ZNRF1: variants seen among roughly 807,000 people sequenced by gnomAD.
The protein encoded by ZNRF1 is E3 ubiquitin-protein ligase ZNRF1.
A neutral mutation model predicts 18.4 loss-of-function variants in ZNRF1; 3 were observed. That is an observed-to-expected ratio of 0.16 (90% confidence interval 0.07 to 0.42). The LOEUF (loss-of-function observed/expected upper bound fraction) is 0.42, where lower values mean the gene tolerates loss of function less well. Among genes scored for constraint, ZNRF1 ranks in the 10% least tolerant of loss-of-function variants. The pLI is 0.99. For synonymous variants in ZNRF1, 157 were observed against 144.2 expected (o/e 1.09, Z -0.64); for missense variants, 310 against 329.8 (o/e 0.94, Z 0.47).
intron 1 of ZNRF1, among the ~76,000 whole-genome samples, chr16:75,043,790 C>CTTTTTTTTTT (rs59324869): frequency 0.032 from 2,422 of 75,030 alleles, 336 homozygotes; most frequent in African/African-American, 0.043. Context: ...TTGCTTTGTA[C>CTTTTTTTTTT]TTTTTTTTTT....
At chr16:75,000,195 G>T (rs971402801) in intron 1 of ZNRF1, 100 bp downstream of exon 1, 15 of 1,472,682 alleles carry the variant, frequency 1.0e-5, no homozygotes, top group South Asian at 8.5e-5. Context: ...GCACGACCGG[G>T]ATCTGTCTGC....
intron 1 of ZNRF1, among the ~76,000 whole-genome samples, chr16:75,064,652 G>C (rs1296267502): frequency 6.6e-6 from 1 of 152,092 alleles, no homozygotes; most frequent in African/African-American, 2.4e-5. Context: ...CTGGCACGTA[G>C]GAGTGGCTCT....
intron 1 of ZNRF1, among the ~76,000 whole-genome samples, chr16:75,064,557 G>A (rs2035779805): frequency 6.8e-6 from 1 of 146,806 alleles, no homozygotes; most frequent in African/African-American, 2.5e-5. Flanking sequence ...CTCAGTCTCC[G>A]AGGGAAAAAA....
chr16:75,042,350 A>G (rs2035459287), intron 1 of ZNRF1, among the ~76,000 whole-genome samples: 2 of 151,922 alleles, frequency 1.3e-5, no homozygotes, highest in South Asian at 4.1e-4. Flanking sequence ...ATTTTCATCT[A>G]GAAGTTTTAT....
chr16:75,038,663 G>A (rs1488787384), intron 1 of ZNRF1, among the ~76,000 whole-genome samples: 1 of 152,196 alleles, frequency 6.6e-6, no homozygotes, highest in African/African-American at 2.4e-5. Flanking sequence ...CCCACTGTAA[G>A]CCAGTTAAAT....
intron 1 of ZNRF1, among the ~76,000 whole-genome samples, chr16:75,014,575 G>A (rs1482748123): frequency 6.6e-6 from 1 of 152,048 alleles, no homozygotes; most frequent in East Asian, 1.9e-4. Flanking sequence ...GTTATTTTTA[G>A]TTTTTGAAAA....
chr16:75,093,212 C>T lies in ZNRF1; in HGVS notation c.425-360C>T, dbSNP rs369351810. ...CTAGCCTGGCCACCATAGTGAAACC[C>T]CCTCTCTACTAAAAATACAAAAATT... On this transcript the variant is annotated intron_variant, in intron 1 of 4. Coordinates refer to ENST00000335325, the MANE Select transcript of ZNRF1 (RefSeq NM_032268.5). Among the ~76,000 whole-genome samples, 20 of 152,192 alleles carry T rather than the reference C, an allele frequency of 1.3e-4. 2 individuals are homozygous for T. Among genetic ancestry groups the T allele is most frequent in the South Asian group, 1.0e-3 (5 of 4,828 alleles).
chr16:75,020,676 G>T (rs2035133578), intron 1 of ZNRF1, among the ~76,000 whole-genome samples: 1 of 151,880 alleles, frequency 6.6e-6, no homozygotes, highest in South Asian at 2.1e-4. Flanking sequence ...CAAGTAGCTG[G>T]GACTACAGGC....
At chr16:75,009,429 G>T (rs1341233041) in intron 1 of ZNRF1, among the ~76,000 whole-genome samples, 1 of 152,134 alleles carries the variant, frequency 6.6e-6, no homozygotes, top group East Asian at 1.9e-4. Context: ...GTGTCCTCAA[G>T]GTTCATCTGC....
chr16:75,021,336 C>G (rs2035144893), intron 1 of ZNRF1, among the ~76,000 whole-genome samples: 1 of 152,160 alleles, frequency 6.6e-6, no homozygotes. Flanking sequence ...AGGCGCCTGG[C>G]CTTCCCCTTT....
chr16:75,094,687 C>T (rs2036178022), intron 2 of ZNRF1, among the ~76,000 whole-genome samples: 1 of 152,168 alleles, frequency 6.6e-6, no homozygotes, highest in Non-Finnish European at 1.5e-5. Context: ...TCATAGGTTT[C>T]TTTTTGCAGT....
At chr16:75,073,618 G>A (rs767760758) in intron 1 of ZNRF1, among the ~76,000 whole-genome samples, 8 of 152,060 alleles carry the variant, frequency 5.3e-5, no homozygotes, top group Non-Finnish European at 1.2e-4. Context: ...CTGGTGCTAC[G>A]GATTCTTTTG....
intron 1 of ZNRF1, among the ~76,000 whole-genome samples, chr16:75,014,950 A>G (rs2145328375): frequency 6.6e-6 from 1 of 152,198 alleles, no homozygotes; most frequent in Admixed American, 6.5e-5. Flanking sequence ...TTCTTCTGTG[A>G]AATACTTGTT....
Position 74,999,409 on chromosome 16 carries a change from C to G in ZNRF1, c.-263C>G, listed in dbSNP as rs1290265256. 4 of 323,228 alleles carry G rather than the reference C, an allele frequency of 1.2e-5. No individual in the cohort carries two copies. The highest frequency in any genetic ancestry group is 2.2e-5 in the Non-Finnish European group (4 of 178,476). 20.0% of individuals were successfully genotyped at this position (323,228 alleles called of 1,614,324 possible). A position where few individuals can be genotyped will look rare whatever the true frequency, so the allele number is the denominator to read the frequency against. On this transcript the variant is annotated 5_prime_UTR_variant, in exon 1 of 5. Coordinates refer to ENST00000335325, the MANE Select transcript of ZNRF1 (RefSeq NM_032268.5). Reference sequence around the variant, plus strand: ...TGTGGCGCGCGGAGCCCGCGCCGGACTGCGCCTCTTTGGACCTTGAGGGGA... The same window carrying G: ...TGTGGCGCGCGGAGCCCGCGCCGGAGTGCGCCTCTTTGGACCTTGAGGGGA...
At chr16:75,101,421 G>A (rs984149086) in intron 2 of ZNRF1, among the ~76,000 whole-genome samples, 4 of 152,124 alleles carry the variant, frequency 2.6e-5, no homozygotes, top group African/African-American at 9.7e-5. Context: ...GGGTGTGGTG[G>A]CATGCACCTG....
intron 1 of ZNRF1, among the ~76,000 whole-genome samples, chr16:75,060,127 C>T (rs1405972893): frequency 6.6e-6 from 1 of 152,072 alleles, no homozygotes; most frequent in East Asian, 1.9e-4. Context: ...GATCTCGGCT[C>T]ACTGCAACCT....
chr16:75,081,265 G>A (rs928664565), intron 1 of ZNRF1, among the ~76,000 whole-genome samples: 1 of 152,186 alleles, frequency 6.6e-6, no homozygotes, highest in African/African-American at 2.4e-5. Context: ...GGCCAGTCCT[G>A]TTTTTCTAGG....
intron 1 of ZNRF1, among the ~76,000 whole-genome samples, chr16:75,077,088 A>T (rs1404990825): frequency 6.6e-6 from 1 of 152,078 alleles, no homozygotes; most frequent in Non-Finnish European, 1.5e-5. Context: ...AACCCCAGCT[A>T]CTCTCCTTTA....
chr16:75,001,691 A>C (rs1414529393), intron 1 of ZNRF1, among the ~76,000 whole-genome samples: 2 of 152,226 alleles, frequency 1.3e-5, no homozygotes, highest in East Asian at 3.8e-4. Flanking sequence ...GTTTCTCTAA[A>C]ATCACAGAAT....
Sources: allele counts gnomAD v4.1 joint callset (sites outside exome capture counted in the v4.1 genomes callset), GRCh38; gene constraint gnomAD v4.1.1; transcripts MANE v1.5; gene names NCBI Gene and HGNC (gene_info 2026-07-23, HGNC 2026-07-21).